The following TOX3 variants were observed in gnomAD, a reference collection of about 807,000 sequenced individuals.
The protein encoded by TOX3 is CAG trinucleotide repeat-containing gene F9 protein.
Under a neutral mutation model 64.3 loss-of-function variants are expected in TOX3, and 22 were observed. The ratio of observed to expected loss-of-function variants is 0.34; its 90% CI spans 0.24 to 0.49. The LOEUF (loss-of-function observed/expected upper bound fraction) is 0.49, where lower values mean the gene tolerates loss of function less well. TOX3 is among the 20% of genes least tolerant of loss of function. TOX3 has a pLI of 0.99. For synonymous variants in TOX3, 291 were observed against 273.6 expected (o/e 1.06, Z -0.63); for missense variants, 661 against 714.4 (o/e 0.93, Z 0.85).
chr16:52,528,041 TC>T (rs1962761863), intron 1 of TOX3, among the ~76,000 whole-genome samples: 1 of 152,138 alleles, frequency 6.6e-6, no homozygotes, highest in Non-Finnish European at 1.5e-5. Flanking sequence ...GATGAAGAAA[TC>T]CTGCTTAAGT....
chr16:52,547,175 C>T (rs1047984113), upstream of TOX3, among the ~76,000 whole-genome samples: 1 of 144,144 alleles, frequency 6.9e-6, no homozygotes, highest in African/African-American at 2.5e-5. Context: ...CCTTCTCCCC[C>T]TCCTGCCTCA....
chr16:52,474,569 ACT>A (rs1239917818), intron 1 of TOX3, among the ~76,000 whole-genome samples: 2 of 151,548 alleles, frequency 1.3e-5, no homozygotes, highest in Non-Finnish European at 2.9e-5. Context: ...ATAAGCTATG[ACT>A]CTGCCACTGC....
At chr16:52,524,353 G>T (rs1962677325) in intron 1 of TOX3, among the ~76,000 whole-genome samples, 1 of 152,092 alleles carries the variant, frequency 6.6e-6, no homozygotes, top group African/African-American at 2.4e-5. Context: ...GAAAGAAAAT[G>T]ATATATTAAA....
chr16:52,440,725 T>C (rs1029466565), intron 6 of TOX3, among the ~76,000 whole-genome samples: 2 of 150,834 alleles, frequency 1.3e-5, no homozygotes, highest in Admixed American at 1.3e-4. Flanking sequence ...TCTGTAACAT[T>C]GGGTTATATG....
At position 52,450,528 on chromosome 16, in the gene TOX3, C is replaced by G; in HGVS notation, c.427G>C (p.Val143Leu). 4 of 1,614,016 alleles carry G rather than the reference C, an allele frequency of 2.5e-6. No individual in the cohort carries two copies. The highest frequency in any genetic ancestry group is 3.4e-6 in the Non-Finnish European group (4 of 1,179,878). ...GLHMDQSHTQ[V>L]SQYRQDPSLI... ...GAGGGATCCTGCCGGTACTGGGACA[C>G]TTGTGTGTGGCTCTGATCCTAGAAA... The change falls in exon 4 of 7, where the codon GTG becomes CTG. Residue 143 changes from valine (V) to leucine (L), a missense_variant. Around this residue, in one of 3 missense-constraint regions of TOX3, gnomAD observed 259 missense variants for 261.2 expected, o/e 0.99. Coordinates refer to ENST00000219746, the MANE Select transcript of TOX3 (RefSeq NM_001080430.4).
chr16:52,490,460 T>A (rs978481629), intron 1 of TOX3, among the ~76,000 whole-genome samples: 1 of 152,016 alleles, frequency 6.6e-6, no homozygotes, highest in Non-Finnish European at 1.5e-5. Context: ...TTTAAAATAA[T>A]GGAAAATACT....
chr16:52,485,062 C>A lies in TOX3; in HGVS notation c.88-16488G>T, dbSNP rs1490601160. On this transcript the variant is annotated intron_variant, in intron 1 of 6. Coordinates refer to ENST00000219746, the MANE Select transcript of TOX3 (RefSeq NM_001080430.4). ...ATATATATATATATATACACACACACAAACACACACATATATACATGTATG... is the reference window on the plus strand; with the variant it reads ...ATATATATATATATATACACACACAAAAACACACACATATATACATGTATG... 7.5e-5 allele frequency among the ~76,000 whole-genome samples: 11 copies of A among 145,966 alleles called. No homozygotes were observed. The East Asian group carries it at 2.0e-3, about 26-fold the overall frequency.
intron 1 of TOX3, among the ~76,000 whole-genome samples, chr16:52,528,075 A>G (rs1962762750): frequency 6.6e-6 from 1 of 152,208 alleles, no homozygotes; most frequent in South Asian, 2.1e-4. Context: ...AAAGAACAGC[A>G]GGGCATCTAC....
At chr16:52,535,143 T>G (rs910388783) in intron 1 of TOX3, among the ~76,000 whole-genome samples, 8 of 152,098 alleles carry the variant, frequency 5.3e-5, no homozygotes. Flanking sequence ...TACATAAAAT[T>G]TCAAACTTGG....
intron 4 of TOX3, among the ~76,000 whole-genome samples, chr16:52,447,160 C>T (rs1960187285): frequency 6.6e-6 from 1 of 152,152 alleles, no homozygotes; most frequent in African/African-American, 2.4e-5. Flanking sequence ...ACATACTTAT[C>T]AGAGAAGCAG....
intron 1 of TOX3, among the ~76,000 whole-genome samples, chr16:52,486,635 T>C (rs766587136): frequency 2.5e-4 from 38 of 152,058 alleles, no homozygotes; most frequent in Non-Finnish European, 5.1e-4. Flanking sequence ...GAATTATAGA[T>C]ATAAAGAAAT....
intron 1 of TOX3, among the ~76,000 whole-genome samples, chr16:52,542,263 T>A (rs994234348): frequency 2.0e-5 from 3 of 152,180 alleles, no homozygotes; most frequent in Admixed American, 6.5e-5. Flanking sequence ...ACTGTCTACA[T>A]AGTTGGACAT....
intron 1 of TOX3, among the ~76,000 whole-genome samples, chr16:52,502,032 A>G (rs559077927): frequency 1.5e-3 from 225 of 152,316 alleles, no homozygotes; most frequent in African/African-American, 5.1e-3. Flanking sequence ...AATGAGGGAA[A>G]AAGTGGCCGC....
chr16:52,480,647 A>C (rs747075383), intron 1 of TOX3, among the ~76,000 whole-genome samples: 1 of 152,266 alleles, frequency 6.6e-6, no homozygotes, highest in Non-Finnish European at 1.5e-5. Context: ...CAATAGTAAA[A>C]ACATGTGCTC....
intron 2 of TOX3, among the ~76,000 whole-genome samples, chr16:52,465,386 C>T (rs1231090601): frequency 6.6e-6 from 1 of 151,196 alleles, no homozygotes; most frequent in African/African-American, 2.4e-5. Context: ...TCCACCCAAC[C>T]ACACTAACCA....
rs556267840 is a variant in TOX3 at position 52,544,711 on chromosome 16, A to G, written c.87+1926T>C. 2.1e-3 allele frequency among the ~76,000 whole-genome samples: 320 copies of G among 152,342 alleles called. 1 individual carries two copies. The highest frequency in any genetic ancestry group is 7.5e-3 in the African/African-American group (312 of 41,582). On this transcript the variant is annotated intron_variant, in intron 1 of 6. Coordinates refer to ENST00000219746, the MANE Select transcript of TOX3 (RefSeq NM_001080430.4). ...TCAAGCTTTATATACCCTCCCTGAA[A>G]TAAATGTTCTGAGCTTAAATAGACT...
intron 1 of TOX3, among the ~76,000 whole-genome samples, chr16:52,478,949 A>C (rs1197398012): frequency 6.6e-6 from 1 of 152,204 alleles, no homozygotes; most frequent in Non-Finnish European, 1.5e-5. Flanking sequence ...GGGTCATTGA[A>C]ACATTCTGTA....
intron 1 of TOX3, among the ~76,000 whole-genome samples, chr16:52,496,382 T>C (rs1165003953): frequency 6.6e-6 from 1 of 152,220 alleles, no homozygotes; most frequent in Admixed American, 6.5e-5. Flanking sequence ...CTATAAACTG[T>C]TATGAAAGAT....
In TOX3 at chr16:52,444,323, CT is replaced by C; in HGVS notation, c.939del (p.Glu314AsnfsTer3). 1 of 1,589,324 alleles carries C rather than the reference CT, an allele frequency of 6.3e-7. No individual in the cohort carries two copies. ...VYKRKTEAAKKEYLKALAAYR... is the reference protein window; with the variant it reads ...VYKRKTEAAKXEYLKALAAYR... ...TATGCCGCCAGGGCCTTCAGGTATTCTTTTTTGGCAGCTTCTGTTTTCCTTT... is the reference window on the plus strand; with the variant it reads ...TATGCCGCCAGGGCCTTCAGGTATTCTTTTTGGCAGCTTCTGTTTTCCTTT... On this transcript the variant is annotated frameshift_variant, in exon 6 of 7. Transcript: ENST00000219746. LOFTEE classifies it high-confidence loss of function.
Sources: allele counts gnomAD v4.1 joint callset (sites outside exome capture counted in the v4.1 genomes callset), GRCh38; gene constraint gnomAD v4.1.1; regional missense constraint gnomAD v4.1.1; transcripts MANE v1.5; gene names NCBI Gene and HGNC (gene_info 2026-07-23, HGNC 2026-07-21).